ADAMTSL3: variants seen among roughly 807,000 people sequenced by gnomAD.
The protein encoded by ADAMTSL3 is ADAMTS-like protein 3.
Under a neutral mutation model 201.7 loss-of-function variants are expected in ADAMTSL3, and 128 were observed. The observed-to-expected ratio is 0.63, with a 90% CI of 0.55 to 0.73. The LOEUF (loss-of-function observed/expected upper bound fraction) is 0.73, where lower values mean the gene tolerates loss of function less well. Ranked by LOEUF, ADAMTSL3 falls within the 30% of genes least tolerant of loss-of-function variation. ADAMTSL3 has a pLI of 0.00. For synonymous variants in ADAMTSL3, 738 were observed against 748.4 expected (o/e 0.99, Z 0.23); for missense variants, 1,990 against 2,119.6 (o/e 0.94, Z 1.20).
At chr15:83,670,491 C>T (rs1328831885) in intron 2 of ADAMTSL3, among the ~76,000 whole-genome samples, 1 of 150,428 alleles carries the variant, frequency 6.6e-6, no homozygotes, top group Non-Finnish European at 1.5e-5. Flanking sequence ...TATATTATGA[C>T]CACACACACA....
intron 4 of ADAMTSL3, among the ~76,000 whole-genome samples, chr15:83,774,902 A>C (rs1444543130): frequency 1.3e-5 from 2 of 149,918 alleles, no homozygotes; most frequent in African/African-American, 2.5e-5. Flanking sequence ...ACTGGAGTGC[A>C]GTGGTGGGAT....
chr15:83,684,456 T>G (rs1596022383), intron 2 of ADAMTSL3, among the ~76,000 whole-genome samples: 4 of 152,274 alleles, frequency 2.6e-5, no homozygotes, highest in Admixed American at 2.6e-4. Context: ...TCCAGCCACT[T>G]GGGAGTCTGA....
intron 25 of ADAMTSL3, among the ~76,000 whole-genome samples, chr15:84,018,521 G>A (rs1030220211): frequency 1.3e-4 from 20 of 152,196 alleles, no homozygotes; most frequent in Admixed American, 2.6e-4. Flanking sequence ...GAAGACAGTC[G>A]GGATGGGCCT....
intron 14 of ADAMTSL3, 33 bp from the exon 15 acceptor site, chr15:83,899,614 T>C (rs539246762): frequency 6.3e-7 from 1 of 1,595,048 alleles, no homozygotes; most frequent in Non-Finnish European, 8.6e-7. Context: ...TTAATAGTAA[T>C]TAGGCTCATT....
chr15:83,733,077 G>A (rs2062308304), intron 3 of ADAMTSL3, among the ~76,000 whole-genome samples: 1 of 152,070 alleles, frequency 6.6e-6, no homozygotes, highest in African/African-American at 2.4e-5. Context: ...TCCATTTTCT[G>A]CGTTTCATTA....
intron 7 of ADAMTSL3, among the ~76,000 whole-genome samples, chr15:83,848,576 C>T (rs950450121): frequency 1.3e-5 from 2 of 152,194 alleles, no homozygotes; most frequent in Admixed American, 6.5e-5. Flanking sequence ...TAAAATGAAA[C>T]TCTGTGTGAT....
intron 2 of ADAMTSL3, among the ~76,000 whole-genome samples, chr15:83,691,552 A>G (rs933501922): frequency 6.6e-6 from 1 of 152,190 alleles, no homozygotes; most frequent in Non-Finnish European, 1.5e-5. Context: ...TGATTTTCCA[A>G]ATATCTACTA....
At chr15:83,771,625 T>C (rs1174395207) in intron 3 of ADAMTSL3, among the ~76,000 whole-genome samples, 1 of 152,250 alleles carries the variant, frequency 6.6e-6, no homozygotes, top group Non-Finnish European at 1.5e-5. Flanking sequence ...GCTTTCCTTC[T>C]TTTTAATGGC....
intron 7 of ADAMTSL3, among the ~76,000 whole-genome samples, chr15:83,853,104 C>T (rs572242786): frequency 6.6e-6 from 1 of 152,192 alleles, no homozygotes; most frequent in Non-Finnish European, 1.5e-5. Flanking sequence ...ATCCTCCCGC[C>T]TTAGCTTCCC....
intron 9 of ADAMTSL3, among the ~76,000 whole-genome samples, chr15:83,872,490 AC>A (rs2065099239): frequency 6.6e-6 from 1 of 151,550 alleles, no homozygotes; most frequent in Non-Finnish European, 1.5e-5. Context: ...AGCCATAATT[AC>A]CTTTTTTTTT....
intron 3 of ADAMTSL3, among the ~76,000 whole-genome samples, chr15:83,746,371 T>G (rs549780902): frequency 2.7e-4 from 41 of 151,400 alleles, no homozygotes; most frequent in African/African-American, 9.9e-4. Flanking sequence ...AACACTATAG[T>G]CTTGTTGACT....
intron 2 of ADAMTSL3, among the ~76,000 whole-genome samples, chr15:83,687,571 G>A (rs1204888228): frequency 6.6e-6 from 1 of 151,986 alleles, no homozygotes; most frequent in African/African-American, 2.4e-5. Context: ...TACATCCTCT[G>A]TCCTCTTTTG....
intron 2 of ADAMTSL3, among the ~76,000 whole-genome samples, chr15:83,690,119 A>G (rs926726058): frequency 6.6e-6 from 1 of 151,862 alleles, no homozygotes; most frequent in Non-Finnish European, 1.5e-5. Context: ...GTTCTGGTTC[A>G]TTTTCCTCTC....
intron 2 of ADAMTSL3, among the ~76,000 whole-genome samples, chr15:83,670,112 G>C (rs557675508): frequency 1.3e-5 from 2 of 151,716 alleles, no homozygotes; most frequent in African/African-American, 4.8e-5. Flanking sequence ...ACAAAAATTA[G>C]CCAAGCTTGG....
intron 3 of ADAMTSL3, among the ~76,000 whole-genome samples, chr15:83,749,706 G>A (rs1039771800): frequency 6.6e-6 from 1 of 152,220 alleles, no homozygotes; most frequent in African/African-American, 2.4e-5. Context: ...TGGCCTAGAT[G>A]TAGAGGATGA....
intron 6 of ADAMTSL3, among the ~76,000 whole-genome samples, chr15:83,823,137 A>T (rs1345196133): frequency 7.1e-6 from 1 of 139,950 alleles, no homozygotes; most frequent in Non-Finnish European, 1.6e-5. Flanking sequence ...GTGAGCCGAG[A>T]TGGCAGCAGT....
chr15:84,037,733 T>C lies in ADAMTSL3; in HGVS notation c.5003T>C (p.Phe1668Ser), dbSNP rs754733283. ...DCTDTTHYCMFVKHLNLCSLD... is the reference protein window; with the variant it reads ...DCTDTTHYCMSVKHLNLCSLD... ...ACAGACACAACTCACTACTGTATGT[T>C]TGTAAAACATCTTAATTTGTGTTCT... is the stretch of plus-strand genomic sequence containing the variant. Residue 1668 changes from phenylalanine to serine, a missense_variant, in exon 30 of 30, where the codon TTT (phenylalanine) becomes TCT (serine). Physicochemically the swap from Phe to Ser is radical, Grantham distance 155. Transcript: ENST00000286744. The C allele has an allele frequency of 1.2e-6, 2 of 1,613,164 alleles. No individual in the cohort carries two copies. Among genetic ancestry groups the C allele is most frequent in the East Asian group, 4.5e-5 (2 of 44,878 alleles).
At chr15:83,777,297 T>C (rs192694913) in intron 4 of ADAMTSL3, among the ~76,000 whole-genome samples, 3 of 152,336 alleles carry the variant, frequency 2.0e-5, no homozygotes, top group South Asian at 2.1e-4. Context: ...GCTGCTGATA[T>C]GTGCAAATGA....
At chr15:83,712,263 A>T (rs1252708516) in intron 3 of ADAMTSL3, among the ~76,000 whole-genome samples, 2 of 151,820 alleles carry the variant, frequency 1.3e-5, no homozygotes, top group Non-Finnish European at 2.9e-5. Context: ...TTGTTTATTG[A>T]TTTCCCCTTC....
Sources: allele counts gnomAD v4.1 joint callset (sites outside exome capture counted in the v4.1 genomes callset), GRCh38; gene constraint gnomAD v4.1.1; transcripts MANE v1.5; gene names NCBI Gene and HGNC (gene_info 2026-07-23, HGNC 2026-07-21).